Variants in JMJD1C observed in about 807,000 individuals in gnomAD.
The protein encoded by JMJD1C is jumonji domain containing 1C, also known as jumonji domain-containing protein 1C.
Under a neutral mutation model 245.3 loss-of-function variants are expected in JMJD1C, and 31 were observed. The ratio of observed to expected loss-of-function variants is 0.13; its 90% CI spans 0.09 to 0.17. The LOEUF is 0.17. Among genes scored for constraint, JMJD1C ranks in the 10% least tolerant of loss-of-function variants. JMJD1C has a pLI of 1.00. For missense variants in JMJD1C, 2,691 were observed against 3,000.2 expected (o/e 0.90, Z 2.41); for synonymous variants, 1,057 against 1,017.4 (o/e 1.04, Z -0.74).
intron 1 of JMJD1C, among the ~76,000 whole-genome samples, chr10:63,383,894 T>A (rs1947396825): frequency 1.3e-5 from 2 of 152,234 alleles, no homozygotes; most frequent in South Asian, 4.1e-4. Context: ...GACAATTTCT[T>A]AAAATAAGAC....
chr10:63,173,291 T>G (rs1247887771), intron 24 of JMJD1C, among the ~76,000 whole-genome samples: 1 of 152,164 alleles, frequency 6.6e-6, no homozygotes, highest in Non-Finnish European at 1.5e-5. Context: ...CATACCCAAA[T>G]GTAGGACCTC....
chr10:63,420,550 C>G (rs1057071931), intron 1 of JMJD1C, among the ~76,000 whole-genome samples: 1 of 150,664 alleles, frequency 6.6e-6, no homozygotes. Context: ...ACATAAAATA[C>G]AAAAATTAGC....
At chr10:63,457,446 C>T (rs1476282370) in intron 1 of JMJD1C, among the ~76,000 whole-genome samples, 6 of 152,106 alleles carry the variant, frequency 3.9e-5, no homozygotes, top group Middle Eastern at 3.4e-3. Flanking sequence ...GAAAAAAGGC[C>T]AAACTTTAAT....
intron 3 of JMJD1C, among the ~76,000 whole-genome samples, chr10:63,242,860 G>A (rs1589260016): frequency 1.3e-5 from 2 of 151,680 alleles, no homozygotes; most frequent in Non-Finnish European, 2.9e-5. Flanking sequence ...AAAATTTAGA[G>A]TACAAAGTGT....
chr10:63,493,283 T>TG (rs1259653434), intron 1 of JMJD1C, among the ~76,000 whole-genome samples: 1 of 96,728 alleles, frequency 1.0e-5, no homozygotes, highest in African/African-American at 4.1e-5. Context: ...TTTTTTGAGA[T>TG]GGAGTTTCAC....
intron 1 of JMJD1C, among the ~76,000 whole-genome samples, chr10:63,490,349 A>T (rs1954127592): frequency 6.6e-6 from 1 of 151,790 alleles, no homozygotes; most frequent in African/African-American, 2.4e-5. Flanking sequence ...CTCCTCAGTT[A>T]TTCTTTCTTT....
chr10:63,349,969 A>C (rs943697223), intron 2 of JMJD1C, among the ~76,000 whole-genome samples: 5 of 152,200 alleles, frequency 3.3e-5, no homozygotes, highest in African/African-American at 1.2e-4. Context: ...CCCATCCTGA[A>C]AGCTTGTAAC....
intron 25 of JMJD1C, 38 bp from the exon 26 acceptor site, chr10:63,168,172 G>T: frequency 7.3e-7 from 1 of 1,365,016 alleles, no homozygotes; most frequent in Non-Finnish European, 1.0e-6. Context: ...ACTTCAGTTC[G>T]ACAGAAATTA....
At chr10:63,448,967 A>C (rs1951870743) in intron 1 of JMJD1C, among the ~76,000 whole-genome samples, 1 of 151,930 alleles carries the variant, frequency 6.6e-6, no homozygotes, top group Non-Finnish European at 1.5e-5. Context: ...AAATACAAAA[A>C]TTAGCCAGGT....
upstream of JMJD1C, among the ~76,000 whole-genome samples, chr10:63,467,508 C>A (rs1472370376): frequency 6.6e-6 from 1 of 152,118 alleles, no homozygotes; most frequent in Non-Finnish European, 1.5e-5. Context: ...AACTCAGTCC[C>A]CCCGAAAACA....
intron 1 of JMJD1C, among the ~76,000 whole-genome samples, chr10:63,411,839 T>G (rs1383264316): frequency 6.7e-6 from 1 of 149,186 alleles, no homozygotes; most frequent in East Asian, 2.0e-4. Context: ...CCTGACCTCA[T>G]GATCCCACCT....
At chr10:63,269,814 C>A (rs1856060906) in intron 2 of JMJD1C, among the ~76,000 whole-genome samples, 2 of 152,242 alleles carry the variant, frequency 1.3e-5, no homozygotes, top group Non-Finnish European at 2.9e-5. Flanking sequence ...AAATGCATTT[C>A]TCAGATGTGT....
chr10:63,189,098 G>T, intron 18 of JMJD1C, 70 bp downstream of exon 18: 1 of 1,346,104 alleles, frequency 7.4e-7, no homozygotes, highest in Non-Finnish European at 1.0e-6. Flanking sequence ...CTATTCCTAA[G>T]GAGGGAACCA....
intron 2 of JMJD1C, among the ~76,000 whole-genome samples, chr10:63,333,009 A>G (rs1265366758): frequency 2.0e-5 from 3 of 152,184 alleles, no homozygotes; most frequent in African/African-American, 7.2e-5. Context: ...TGTATATTCT[A>G]TCAGCATTGT....
chr10:63,340,391 T>G (rs1943258918), intron 2 of JMJD1C, among the ~76,000 whole-genome samples: 1 of 152,238 alleles, frequency 6.6e-6, no homozygotes, highest in African/African-American at 2.4e-5. Context: ...CCAAGACCTA[T>G]GTGCATTGCT....
rs757770394 is a variant in JMJD1C, at chr10:63,190,992, T to C, written c.6193A>G (p.Thr2065Ala). 1.2e-6 allele frequency: 2 copies of C among 1,614,176 alleles called. No homozygotes were observed. The highest frequency in any genetic ancestry group is 2.2e-5 in the East Asian group (1 of 44,882). ...LVSQNNEQGS[T>A]LRDLLTTTAG... ...GTTGTAGTCAGCAAATCCCGTAAGG[T>C]TGAGCCTTGTTCATTATTCTGGGAC... The change falls in exon 17 of 26, where the codon ACC (threonine) becomes GCC (alanine). Residue 2065 changes from threonine to alanine, a missense_variant. Around this residue, in one of 9 missense-constraint regions of JMJD1C, gnomAD observed 275 missense variants for 285.5 expected, o/e 0.96. Coordinates refer to ENST00000399262, the MANE Select transcript of JMJD1C (RefSeq NM_032776.3).
At chr10:63,309,658 C>T (rs914298461) in intron 2 of JMJD1C, among the ~76,000 whole-genome samples, 4 of 152,072 alleles carry the variant, frequency 2.6e-5, no homozygotes, top group African/African-American at 9.7e-5. Context: ...GTGGCTCATG[C>T]CTGTAATCCC....
chr10:63,365,083 T>C (rs1165667259), intron 2 of JMJD1C, among the ~76,000 whole-genome samples: 2 of 152,202 alleles, frequency 1.3e-5, no homozygotes, highest in Admixed American at 6.5e-5. Flanking sequence ...GACCTTGGGA[T>C]TTCCCAATCA....
chr10:63,268,589 T>C, intron 2 of JMJD1C: 1 of 508,884 alleles, frequency 2.0e-6, no homozygotes, highest in Non-Finnish European at 2.5e-6. Context: ...TGACCTTAAT[T>C]TCTCAGGCTG....
Sources: gnomAD v4.1 joint callset for allele counts (sites outside exome capture counted in the v4.1 genomes callset) on GRCh38, gnomAD v4.1.1 for gene constraint, gnomAD v4.1.1 regional missense constraint, MANE v1.5 for transcripts, NCBI Gene and HGNC (gene_info 2026-07-23, HGNC 2026-07-21) for gene names.